Variants in CHD8 observed in about 807,000 individuals in gnomAD.
CHD8 encodes the protein chromodomain helicase DNA binding protein 8.
Under a neutral mutation model 279.2 loss-of-function variants are expected in CHD8, and 31 were observed. That is an observed-to-expected ratio of 0.11 (90% CI 0.08 to 0.15). CHD8 has a LOEUF of 0.15. Among genes scored for constraint, CHD8 ranks in the 10% least tolerant of loss-of-function variants. CHD8 has a pLI of 1.00. For missense variants in CHD8, 2,146 were observed against 3,230.5 expected (o/e 0.66, Z 8.14); for synonymous variants, 1,081 against 1,139.6 (o/e 0.95, Z 1.04).
rs773109422 is a variant in CHD8, at chr14:21,405,390, T to C, written c.3126A>G (p.Ala1042=). 1.8e-5 allele frequency: 29 copies of C among 1,599,202 alleles called. No individual in the cohort carries two copies. In the Admixed American group the frequency reaches 4.9e-4, roughly 27 times the overall value. ...CTTCAATAATTGTTTCCTGTTTGGGTGCCAAGTTTTTTTCAACATCCTCTT... is the reference window on the plus strand; with the variant it reads ...CTTCAATAATTGTTTCCTGTTTGGGCGCCAAGTTTTTTTCAACATCCTCTT... ...RLKEDVEKNL[A]PKQETIIEVE... is the part of the protein sequence containing the mutation. Residue 1042 remains alanine (A), a synonymous_variant, in exon 16 of 38, where the codon GCA becomes GCG. Coordinates refer to ENST00000646647, the MANE Select transcript of CHD8 (RefSeq NM_001170629.2). This position sits in a 1 kb window ranked among gnomAD's most constrained non-coding sequence, Gnocchi z 4.2.
chr14:21,392,015 G>T, intron 34 of CHD8, 69 bp from the exon 35 acceptor site: 1 of 1,137,928 alleles, frequency 8.8e-7, no homozygotes, highest in Non-Finnish European at 1.3e-6. Context: ...ATTAAGCTTT[G>T]AGGGATGTGG....
At chr14:21,426,076 A>T in intron 5 of CHD8, 52 bp downstream of exon 5, 1 of 1,063,056 alleles carries the variant, frequency 9.4e-7, no homozygotes, top group Non-Finnish European at 1.4e-6. Flanking sequence ...TGGCTTGGTT[A>T]GCCATAATTA....
intron 5 of CHD8, among the ~76,000 whole-genome samples, chr14:21,417,741 C>T (rs1259310933): frequency 1.3e-5 from 2 of 151,244 alleles, no homozygotes; most frequent in African/African-American, 4.9e-5. Flanking sequence ...GTAGTCCCCG[C>T]TACTCGGGAG....
chr14:21,408,744 A>G lies in CHD8; in HGVS notation c.2446T>C (p.Leu816=). 1 of 1,610,742 alleles carries G rather than the reference A, an allele frequency of 6.2e-7. No homozygotes were observed. Among genetic ancestry groups the G allele is most frequent in the South Asian group, 1.1e-5 (1 of 90,468 alleles). Residue 816 remains leucine (L), a synonymous_variant, in exon 12 of 38, where the codon TTG becomes CTG. Transcript: ENST00000646647. This position sits in a 1 kb window ranked among gnomAD's most constrained non-coding sequence, Gnocchi z 4.3. ...KNRNQLREYQ[L]EGVNWLLFNW... ...AAGAGCAGCCAATTAACCCCTTCCA[A>G]CTGATATTCCCGTAGCTGGTTTCTG...
At chr14:21,410,888 G>A (rs957276363) in intron 10 of CHD8, among the ~76,000 whole-genome samples, 1 of 152,046 alleles carries the variant, frequency 6.6e-6, no homozygotes, top group Non-Finnish European at 1.5e-5. Context: ...AGTAACTCAG[G>A]TCACTCTCTA....
intron 5 of CHD8, chr14:21,419,718 C>A: frequency 4.1e-6 from 1 of 241,942 alleles, no homozygotes; most frequent in Non-Finnish European, 8.5e-6. Flanking sequence ...AGGACAACCC[C>A]CCAGGGGCAC....
chr14:21,428,391 C>T (rs988266451), intron 3 of CHD8, 137 bp from the exon 4 acceptor site: 1 of 752,602 alleles, frequency 1.3e-6, no homozygotes. Context: ...TCTTATTGAA[C>T]CTACACCTAC....
intron 26 of CHD8, 99 bp downstream of exon 26, chr14:21,399,503 C>T (rs1566419363): frequency 2.5e-6 from 2 of 803,318 alleles, no homozygotes. Context: ...GAAGATCAAT[C>T]AGATAACTGA....
chr14:21,441,660 G>C (rs996851598), intron 1 of CHD8, among the ~76,000 whole-genome samples: 2 of 151,884 alleles, frequency 1.3e-5, no homozygotes, highest in Admixed American at 1.3e-4. Flanking sequence ...AGGCCAAGGC[G>C]GGCATATCAC....
In CHD8 at chr14:21,394,118, G is replaced by A; in HGVS notation, c.5677C>T (p.Leu1893Phe). 6.2e-7 allele frequency: 1 copy of A among 1,613,630 alleles called. No homozygotes were observed. The highest frequency in any genetic ancestry group is 8.5e-7 in the Non-Finnish European group (1 of 1,179,720). The change falls in exon 32 of 38, where the codon CTT becomes TTT. Residue 1893 changes from leucine to phenylalanine, a missense_variant. Transcript: ENST00000646647. ...ASRTLYRIELLRRLREQVLCH... is the reference protein window; with the variant it reads ...ASRTLYRIELFRRLREQVLCH... Reference sequence around the variant, plus strand: ...AAAACTTGTTCCCGTAAGCGCCGAAGCAATTCTATACGGTAGAGAGTCCGT... The same window carrying A: ...AAAACTTGTTCCCGTAAGCGCCGAAACAATTCTATACGGTAGAGAGTCCGT...
rs1252066958 is a variant in CHD8 at position 21,428,216 on chromosome 14, T to C, written c.1254A>G (p.Val418=). 3 of 1,613,982 alleles carry C rather than the reference T, an allele frequency of 1.9e-6. No individual in the cohort carries two copies. The highest frequency in any genetic ancestry group is 2.5e-6 in the Non-Finnish European group (3 of 1,179,880). ...SSQGASSGLS[V]VKVLSASEVA... ...CTTCACTGGCACTCAGAACTTTAAC[T>C]ACAGAGAGCCCAGAAGAGGCCCCTT... The change falls in exon 4 of 38, where the codon GTA becomes GTG. Residue 418 remains valine (V), a synonymous_variant. Coordinates refer to ENST00000646647, the MANE Select transcript of CHD8 (RefSeq NM_001170629.2).
chr14:21,395,191 A>C, intron 29 of CHD8, 72 bp from the exon 30 acceptor site: 1 of 1,539,046 alleles, frequency 6.5e-7, no homozygotes, highest in East Asian at 2.3e-5. Flanking sequence ...ATTTTAACCC[A>C]CCCAAAGGCA....
intron 11 of CHD8, 108 bp downstream of exon 11, chr14:21,409,743 T>A: frequency 9.9e-7 from 1 of 1,009,120 alleles, no homozygotes; most frequent in East Asian, 2.4e-5. Context: ...GATTTTTATA[T>A]GTTTGAAATT....
rs1889571743 is a variant in CHD8, at chr14:21,431,712, C to T, written c.-69G>A. 8 of 1,603,460 alleles carry T rather than the reference C, an allele frequency of 5.0e-6. No individual in the cohort carries two copies. In the Middle Eastern group the frequency reaches 4.9e-4, roughly 99 times the overall value. On this transcript the variant is annotated 5_prime_UTR_variant, in exon 2 of 38. Transcript: ENST00000646647. ...GAAGGGGAGGGGGGGTACTGGCTCTCCCCTCCCCTCCCCTATTAAGAAAAA... is the reference window on the plus strand; with the variant it reads ...GAAGGGGAGGGGGGGTACTGGCTCTTCCCTCCCCTCCCCTATTAAGAAAAA...
rs1046088584 is a variant in CHD8 at position 21,405,559 on chromosome 14, A to G, written c.3052-95T>C. ...CATGGAAAAATTAGAGTTTTCCACT[A>G]TCTAAGAAATGTATACTTTGGATGA... On this transcript the variant is annotated intron_variant, in intron 15 of 37. Coordinates refer to ENST00000646647, the MANE Select transcript of CHD8 (RefSeq NM_001170629.2). The surrounding 1 kb of genome is among the most constrained non-coding windows in gnomAD (Gnocchi z 4.2). The G allele has an allele frequency of 3.3e-6, 5 of 1,502,862 alleles. No individual in the cohort carries two copies. The highest frequency in any genetic ancestry group is 2.3e-5 in the East Asian group (1 of 44,364). 93.1% of individuals were successfully genotyped at this position (1,502,862 alleles called of 1,614,324 possible).
Position 21,393,689 on chromosome 14 carries a change from G to A in CHD8, c.6106C>T (p.Pro2036Ser), listed in dbSNP as rs1192042781. ...CGCATCTCATAGTCTTGTGGGGTTG[G>A]TCGGCTCCTGGCCACCACCTCGTGC... ...LEHEVVARSR[P>S]TPQDYEMRVS... The change falls in exon 32 of 38, where the codon CCA becomes TCA. Residue 2036 changes from proline to serine, a missense_variant. Physicochemically the swap from Pro to Ser is moderately conservative, Grantham distance 74. This residue lies in a region of CHD8 where 513 missense variants were observed against 637.6 expected (regional missense o/e 0.80). Transcript: ENST00000646647. 1 of 1,613,978 alleles carries A rather than the reference G, an allele frequency of 6.2e-7. No individual in the cohort carries two copies. Among genetic ancestry groups the A allele is most frequent in the Admixed American group, 1.7e-5 (1 of 60,006 alleles).
intron 1 of CHD8, among the ~76,000 whole-genome samples, chr14:21,451,812 A>T (rs1890263697): frequency 6.6e-6 from 1 of 152,154 alleles, no homozygotes; most frequent in South Asian, 2.1e-4. Context: ...ATAATTAATA[A>T]TAAAAGGGCA....
chr14:21,454,844 G>A (rs117012727), intron 1 of CHD8: 5 of 152,060 alleles, frequency 3.3e-5, no homozygotes, highest in Non-Finnish European at 5.9e-5. Context: ...AGGTTGACTA[G>A]AATTTGTTCT....
At chr14:21,410,064 T>A (rs1284449792) in intron 10 of CHD8, 76 bp from the exon 11 acceptor site, 2 of 1,407,808 alleles carry the variant, frequency 1.4e-6, no homozygotes, top group Non-Finnish European at 1.9e-6. Flanking sequence ...AAAATTTGAT[T>A]GTAAAATCAG....
Sources: allele counts gnomAD v4.1 joint callset (sites outside exome capture counted in the v4.1 genomes callset), GRCh38; gene constraint gnomAD v4.1.1; regional missense constraint gnomAD v4.1.1; non-coding constraint Gnocchi (gnomAD v3.1); transcripts MANE v1.5; gene names NCBI Gene and HGNC (gene_info 2026-07-23, HGNC 2026-07-21).